CSMD1: variants seen among roughly 807,000 people sequenced by gnomAD.
The protein encoded by CSMD1 is CUB and sushi domain-containing protein 1.
In CSMD1, 213 loss-of-function variants were observed where a neutral mutation model predicts 417.5. That is an observed-to-expected ratio of 0.51 (90% CI 0.46 to 0.57). The LOEUF (loss-of-function observed/expected upper bound fraction) is 0.57, where lower values mean the gene tolerates loss of function less well. Among genes scored for constraint, CSMD1 ranks in the 20% least tolerant of loss-of-function variants. The probability of loss-of-function intolerance (pLI) is 0.00; values close to 1 mark genes in which losing one functional copy is unlikely to be tolerated. For missense variants in CSMD1, 6,923 were observed against 4,529.7 expected, an observed-to-expected ratio of 1.53 and a Z score of -15.17; for synonymous variants, 2,862 against 1,736.8, an observed-to-expected ratio of 1.65 and a Z score of -16.11.
At chr8:3,194,697 T>G (rs1796608543) in intron 33 of CSMD1, among the ~76,000 whole-genome samples, 1 of 151,754 alleles carries the variant, frequency 6.6e-6, no homozygotes, top group South Asian at 2.1e-4. Context: ...CTCAAACTCC[T>G]GAGCTCAGAT....
chr8:3,347,627 G>C (rs540936391), intron 22 of CSMD1, among the ~76,000 whole-genome samples: 1 of 152,320 alleles, frequency 6.6e-6, no homozygotes, highest in Non-Finnish European at 1.5e-5. Context: ...TAGACACAAT[G>C]CTAGGAACAT....
intron 12 of CSMD1, among the ~76,000 whole-genome samples, chr8:3,414,580 G>C (rs902236128): frequency 2.0e-5 from 3 of 152,058 alleles, no homozygotes; most frequent in Admixed American, 2.0e-4. Context: ...TCAAACTCCA[G>C]TGCTAAGGAT....
At chr8:4,221,970 T>C (rs1181911748) in intron 3 of CSMD1, among the ~76,000 whole-genome samples, 2 of 152,030 alleles carry the variant, frequency 1.3e-5, no homozygotes, top group African/African-American at 4.8e-5. Flanking sequence ...CCATCTGCAA[T>C]GGAGGAAGCT....
At chr8:4,009,344 G>A (rs1308798603) in intron 4 of CSMD1, among the ~76,000 whole-genome samples, 6 of 152,136 alleles carry the variant, frequency 3.9e-5, no homozygotes, top group South Asian at 2.1e-4. Flanking sequence ...TCTATCTTAC[G>A]GACATAATTT....
At chr8:3,712,870 G>A (rs1313281280) in intron 6 of CSMD1, among the ~76,000 whole-genome samples, 4 of 152,126 alleles carry the variant, frequency 2.6e-5, no homozygotes, top group Non-Finnish European at 4.4e-5. Context: ...GGGAGATGCT[G>A]GTCAAAAGAT....
intron 2 of CSMD1, among the ~76,000 whole-genome samples, chr8:4,523,405 C>A (rs1803585405): frequency 6.6e-6 from 1 of 152,036 alleles, no homozygotes; most frequent in Non-Finnish European, 1.5e-5. Flanking sequence ...ATGAATTTTC[C>A]TACTTTTGTA....
chr8:3,285,058 T>C (rs748744856), intron 25 of CSMD1, among the ~76,000 whole-genome samples: 1 of 152,242 alleles, frequency 6.6e-6, no homozygotes, highest in East Asian at 1.9e-4. Flanking sequence ...TTTAGGGCCA[T>C]TGAAGCAAGA....
chr8:4,508,476 T>A (rs1802649026), intron 2 of CSMD1, among the ~76,000 whole-genome samples: 1 of 152,208 alleles, frequency 6.6e-6, no homozygotes, highest in African/African-American at 2.4e-5. Context: ...TTCCAGAATT[T>A]AATTTAGTAG....
intron 34 of CSMD1, 56 bp from the exon 35 acceptor site, chr8:3,189,067 G>C (rs1796262211): frequency 6.6e-7 from 1 of 1,510,988 alleles, no homozygotes; most frequent in Non-Finnish European, 8.9e-7. Flanking sequence ...GTGTTGATTT[G>C]GCATGCAGTT....
intron 2 of CSMD1, among the ~76,000 whole-genome samples, chr8:4,549,353 C>A (rs946167529): frequency 2.0e-5 from 3 of 152,128 alleles, no homozygotes; most frequent in Non-Finnish European, 2.9e-5. Flanking sequence ...AAAAATGACT[C>A]TCTAATAATG....
intron 1 of CSMD1, among the ~76,000 whole-genome samples, chr8:4,860,207 A>T (rs1159078307): frequency 7.0e-6 from 1 of 141,854 alleles, no homozygotes; most frequent in African/African-American, 2.6e-5. Context: ...TGGGAACTGA[A>T]CAAGGAGATC....
intron 23 of CSMD1, among the ~76,000 whole-genome samples, chr8:3,328,252 T>C (rs1806664362): frequency 6.6e-6 from 1 of 152,206 alleles, no homozygotes; most frequent in Non-Finnish European, 1.5e-5. Context: ...TACATTCCTG[T>C]AAGCATAGGT....
At chr8:4,390,509 A>ATTTATTTATTTATTTAT (rs1348882253) in intron 3 of CSMD1, among the ~76,000 whole-genome samples, 2 of 147,222 alleles carry the variant, frequency 1.4e-5, no homozygotes, top group African/African-American at 5.0e-5. Context: ...TTATTTATTT[A>ATTTATTTATTTATTTAT]TTTATTTATT....
At chr8:4,425,396 AAT>A (rs1440039233) in intron 2 of CSMD1, among the ~76,000 whole-genome samples, 31 of 145,940 alleles carry the variant, frequency 2.1e-4, no homozygotes, top group African/African-American at 6.6e-4. Flanking sequence ...AAAAAAAAAA[AAT>A]AGAGTCCAAC....
chr8:3,722,551 C>T (rs923901448), intron 6 of CSMD1, among the ~76,000 whole-genome samples: 2 of 152,164 alleles, frequency 1.3e-5, no homozygotes, highest in African/African-American at 4.8e-5. Context: ...CTTCTTACCT[C>T]TTGTCAATGT....
chr8:3,785,959 A>T (rs1439339775), intron 5 of CSMD1, among the ~76,000 whole-genome samples: 1 of 152,182 alleles, frequency 6.6e-6, no homozygotes, highest in African/African-American at 2.4e-5. Context: ...ATTGGGTTAG[A>T]AGCTCTGCAG....
intron 23 of CSMD1, among the ~76,000 whole-genome samples, chr8:3,314,144 T>C (rs531859000): frequency 6.6e-6 from 1 of 151,990 alleles, no homozygotes; most frequent in Non-Finnish European, 1.5e-5. Flanking sequence ...TGGGGAGGGA[T>C]AGCATTAGGA....
chr8:4,184,368 C>G (rs112547225), intron 3 of CSMD1, among the ~76,000 whole-genome samples: 95 of 152,266 alleles, frequency 6.2e-4, no homozygotes, highest in Non-Finnish European at 1.2e-3. Context: ...ACTGTGCTCC[C>G]TGAAAACTAG....
intron 5 of CSMD1, among the ~76,000 whole-genome samples, chr8:3,807,612 A>T (rs1800821070): frequency 6.6e-6 from 1 of 152,184 alleles, no homozygotes; most frequent in Non-Finnish European, 1.5e-5. Flanking sequence ...AAATAACATA[A>T]TTGTGTTTCA....
Sources: gnomAD v4.1 joint callset for allele counts (sites outside exome capture counted in the v4.1 genomes callset) on GRCh38, gnomAD v4.1.1 for gene constraint, MANE v1.5 for transcripts, NCBI Gene and HGNC (gene_info 2026-07-23, HGNC 2026-07-21) for gene names.